The following RNF150 variants were observed in gnomAD, a reference collection of about 807,000 sequenced individuals.
RNF150 encodes the protein ring finger protein 150.
Under a neutral mutation model 39.3 loss-of-function variants are expected in RNF150, and 24 were observed. The observed-to-expected ratio is 0.61, with a 90% confidence interval of 0.44 to 0.86. RNF150 has a LOEUF of 0.86. Among genes scored for constraint, RNF150 ranks in the 40% least tolerant of loss-of-function variants. The pLI is 0.00. For synonymous variants in RNF150, 255 were observed against 227.3 expected (o/e 1.12, Z -1.10); for missense variants, 502 against 587.8 (o/e 0.85, Z 1.51).
chr4:140,930,021 C>G (rs552767304), intron 4 of RNF150, among the ~76,000 whole-genome samples: 1 of 152,058 alleles, frequency 6.6e-6, no homozygotes, highest in Admixed American at 6.6e-5. Context: ...ACTAGCTGGG[C>G]GTGGTGTTGT....
At chr4:141,192,249 C>A (rs547288236) in intron 1 of RNF150, among the ~76,000 whole-genome samples, 2 of 152,260 alleles carry the variant, frequency 1.3e-5, no homozygotes, top group South Asian at 2.1e-4. Context: ...ATCTTAATAT[C>A]TTCTCCTCAT....
intron 6 of RNF150, among the ~76,000 whole-genome samples, chr4:140,871,078 A>C (rs1728920815): frequency 6.6e-6 from 1 of 152,098 alleles, no homozygotes; most frequent in Non-Finnish European, 1.5e-5. Flanking sequence ...CTGACTTGAT[A>C]CTATATTCTA....
chr4:141,113,147 A>G (rs1234392290), intron 1 of RNF150, among the ~76,000 whole-genome samples: 4 of 151,964 alleles, frequency 2.6e-5, no homozygotes, highest in Non-Finnish European at 4.4e-5. Flanking sequence ...CAAGGTTCTT[A>G]GCTTCCTTGC....
In RNF150 at chr4:141,132,887, G is replaced by A. The variant is rs1002915518; in HGVS notation, c.-79C>T. 12 of 1,250,178 alleles carry A rather than the reference G, an allele frequency of 9.6e-6. No homozygotes were observed. Among genetic ancestry groups the A allele is most frequent in the South Asian group, 3.9e-5 (3 of 77,248 alleles). The allele number at this position is 1,250,178 out of a possible 1,614,324, so 77.4% of individuals were successfully genotyped here. A position where few individuals can be genotyped will look rare whatever the true frequency, so the allele number is the denominator to read the frequency against. Reference sequence around the variant, plus strand: ...CTCCTCCCCAGCCCCGGCCAACCCCGGGCCGCTGCCTCTCCTCCTGCTGCT... The same window carrying A: ...CTCCTCCCCAGCCCCGGCCAACCCCAGGCCGCTGCCTCTCCTCCTGCTGCT... On this transcript the variant is annotated 5_prime_UTR_variant, in exon 1 of 7. Coordinates refer to ENST00000515673, the MANE Select transcript of RNF150 (RefSeq NM_020724.2). The surrounding 1 kb of genome is among the most constrained non-coding windows in gnomAD (Gnocchi z 4.9).
chr4:141,199,944 G>T (rs1283717995), intron 1 of RNF150, among the ~76,000 whole-genome samples: 1 of 152,004 alleles, frequency 6.6e-6, no homozygotes, highest in Non-Finnish European at 1.5e-5. Flanking sequence ...TAAAAGTATG[G>T]ACTTTTTAGT....
intron 1 of RNF150, among the ~76,000 whole-genome samples, chr4:141,144,845 A>AGAAG (rs1364264149): frequency 1.3e-5 from 2 of 152,150 alleles, no homozygotes; most frequent in African/African-American, 4.8e-5. Context: ...CAATAAACGT[A>AGAAG]GAAGGAAGGA....
intron 5 of RNF150, among the ~76,000 whole-genome samples, chr4:140,918,893 A>G (rs1730974632): frequency 6.6e-6 from 1 of 152,238 alleles, no homozygotes; most frequent in African/African-American, 2.4e-5. Flanking sequence ...ATGCAAATCA[A>G]TAATTCTAAT....
intron 1 of RNF150, among the ~76,000 whole-genome samples, chr4:141,117,091 C>A (rs1739573213): frequency 6.6e-6 from 1 of 152,038 alleles, no homozygotes; most frequent in East Asian, 1.9e-4. Flanking sequence ...CACGTGTATA[C>A]CTATGTAACA....
At chr4:141,189,616 G>A (rs1020387783) in intron 1 of RNF150, among the ~76,000 whole-genome samples, 5 of 152,190 alleles carry the variant, frequency 3.3e-5, no homozygotes, top group Non-Finnish European at 4.4e-5. Flanking sequence ...GGAATCTAGA[G>A]AGGCAGTCTG....
At chr4:140,934,303 C>T (rs1321473529) in intron 4 of RNF150, among the ~76,000 whole-genome samples, 1 of 152,002 alleles carries the variant, frequency 6.6e-6, no homozygotes, top group Non-Finnish European at 1.5e-5. Flanking sequence ...GCTACTGTGC[C>T]CAGCCTAAAA....
intron 1 of RNF150, among the ~76,000 whole-genome samples, chr4:141,046,854 G>C (rs1736596090): frequency 6.6e-6 from 1 of 152,056 alleles, no homozygotes; most frequent in Admixed American, 6.6e-5. Context: ...GAGATATCTT[G>C]CATGTTTCAC....
intron 6 of RNF150, among the ~76,000 whole-genome samples, chr4:140,909,125 A>G (rs1160341075): frequency 6.6e-6 from 1 of 152,196 alleles, no homozygotes; most frequent in South Asian, 2.1e-4. Flanking sequence ...TGGTACACCA[A>G]AAAGAGAACT....
At chr4:141,134,129 GTTTA>G (rs1196136484), upstream of RNF150, among the ~76,000 whole-genome samples, 1 of 152,214 alleles carries the variant, frequency 6.6e-6, no homozygotes, top group African/African-American at 2.4e-5. Context: ...TCTGGACTGT[GTTTA>G]TTCTGATTGT....
chr4:141,008,889 C>CATTTTTACATAAATTTAACATTAA (rs1734964708), intron 1 of RNF150, among the ~76,000 whole-genome samples: 1 of 152,004 alleles, frequency 6.6e-6, no homozygotes, highest in South Asian at 2.1e-4. Flanking sequence ...TTATCCTAAG[C>CATTTTTACATAAATTTAACATTAA]GCTTTGCATT....
chr4:140,920,067 C>A (rs1731042948), intron 5 of RNF150, among the ~76,000 whole-genome samples: 1 of 151,314 alleles, frequency 6.6e-6, no homozygotes, highest in Non-Finnish European at 1.5e-5. Context: ...AACGTTAGAC[C>A]TAAAACCATA....
At chr4:141,138,411 AG>A (rs1727061860), upstream of RNF150, among the ~76,000 whole-genome samples, 1 of 152,192 alleles carries the variant, frequency 6.6e-6, no homozygotes, top group Non-Finnish European at 1.5e-5. Context: ...ATCCCTGAAA[AG>A]AGGGAACACT....
intron 1 of RNF150, among the ~76,000 whole-genome samples, chr4:141,046,975 A>G (rs12505705): frequency 0.64 from 96,948 of 151,920 alleles, 33,106 homozygotes; most frequent in Non-Finnish European, 0.77. Context: ...ATAAATGCTC[A>G]AACTCAGTTT....
intron 6 of RNF150, among the ~76,000 whole-genome samples, chr4:140,910,032 G>C (rs1333658711): frequency 2.6e-5 from 4 of 152,146 alleles, no homozygotes; most frequent in African/African-American, 9.7e-5. Flanking sequence ...TTGTTTCCAA[G>C]TAGTGGGGCC....
intron 2 of RNF150, among the ~76,000 whole-genome samples, chr4:140,950,599 G>A (rs549781900): frequency 2.6e-4 from 39 of 152,174 alleles, no homozygotes; most frequent in Admixed American, 7.9e-4. Flanking sequence ...CAAGCCACCC[G>A]GTCAACCAAT....
Sources: gnomAD v4.1 joint callset for allele counts (sites outside exome capture counted in the v4.1 genomes callset) on GRCh38, gnomAD v4.1.1 for gene constraint, Gnocchi (gnomAD v3.1) non-coding constraint, MANE v1.5 for transcripts, NCBI Gene and HGNC (gene_info 2026-07-23, HGNC 2026-07-21) for gene names.